The following RAB3C variants were observed in gnomAD, a reference collection of about 807,000 sequenced individuals.
The protein encoded by RAB3C is ras-related protein Rab-3C.
A neutral mutation model predicts 26.4 loss-of-function variants in RAB3C; 17 were observed. The observed-to-expected ratio is 0.64, with a 90% CI of 0.44 to 0.97. The LOEUF is 0.97. RAB3C is among the 50% of genes least tolerant of loss of function. The probability of loss-of-function intolerance (pLI) is 0.00; values close to 1 mark genes in which losing one functional copy is unlikely to be tolerated. For synonymous variants in RAB3C, 91 were observed against 95.9 expected, an observed-to-expected ratio of 0.95 and a Z score of 0.30; for missense variants, 242 against 281.9, an observed-to-expected ratio of 0.86 and a Z score of 1.01.
At chr5:58,815,166 C>A (rs937062670) in intron 3 of RAB3C, among the ~76,000 whole-genome samples, 3 of 152,146 alleles carry the variant, frequency 2.0e-5, no homozygotes, top group African/African-American at 7.2e-5. Context: ...GAATTTCTTA[C>A]CAAGTTCCAC....
Position 58,846,190 on chromosome 5 carries a change from T to C in RAB3C, c.497-4974T>C, listed in dbSNP as rs549285728. ...TTTTGTTTATCCATTCATAGGTTGA[T>C]AGGCACTTGGATTAGTTCTACCTTT... On this transcript the variant is annotated intron_variant, in intron 4 of 4. Coordinates refer to ENST00000282878, the MANE Select transcript of RAB3C (RefSeq NM_138453.4). 3.9e-5 allele frequency among the ~76,000 whole-genome samples: 6 copies of C among 152,330 alleles called. No individual in the cohort carries two copies. The South Asian group carries it at 1.0e-3, about 26-fold the overall frequency.
chr5:58,706,325 C>T (rs560052625), intron 2 of RAB3C, among the ~76,000 whole-genome samples: 16 of 152,110 alleles, frequency 1.1e-4, no homozygotes, highest in African/African-American at 3.6e-4. Flanking sequence ...CTTGGGCATT[C>T]GTCTCAAATT....
chr5:58,797,369 ATATATATATATATATAT>A (rs1742692604), intron 3 of RAB3C, among the ~76,000 whole-genome samples: 2 of 18,328 alleles, frequency 1.1e-4, no homozygotes, highest in African/African-American at 5.3e-4. Flanking sequence ...TATATATATA[ATATATATATATATATAT>A]ATATATATAT....
At chr5:58,711,965 CT>C (rs1339662936) in intron 2 of RAB3C, among the ~76,000 whole-genome samples, 1 of 152,124 alleles carries the variant, frequency 6.6e-6, no homozygotes, top group African/African-American at 2.4e-5. Flanking sequence ...TGTTTCAGTT[CT>C]TACAATGTAA....
At chr5:58,596,856 T>A (rs868049919) in intron 1 of RAB3C, among the ~76,000 whole-genome samples, 1 of 84,782 alleles carries the variant, frequency 1.2e-5, no homozygotes, top group Non-Finnish European at 2.0e-5. Context: ...TAATACATAA[T>A]ATATAATATT....
chr5:58,769,138 G>C (rs1741973407), intron 3 of RAB3C, among the ~76,000 whole-genome samples: 1 of 152,074 alleles, frequency 6.6e-6, no homozygotes, highest in Admixed American at 6.6e-5. Context: ...CTTCTCGGTA[G>C]ATGATGGCAG....
intron 4 of RAB3C, among the ~76,000 whole-genome samples, chr5:58,832,585 G>A (rs1379393049): frequency 6.6e-6 from 1 of 152,216 alleles, no homozygotes; most frequent in Non-Finnish European, 1.5e-5. Context: ...ACTTTCAAAA[G>A]ACAGCATATA....
At chr5:58,773,555 C>T (rs1279080254) in intron 3 of RAB3C, among the ~76,000 whole-genome samples, 3 of 152,076 alleles carry the variant, frequency 2.0e-5, no homozygotes. Context: ...TGTGAGGAGT[C>T]AGAAGAGCTC....
intron 1 of RAB3C, among the ~76,000 whole-genome samples, chr5:58,616,857 C>G (rs911637819): frequency 1.6e-4 from 24 of 152,116 alleles, no homozygotes; most frequent in Non-Finnish European, 3.1e-4. Context: ...TTGCGCATGC[C>G]TCCCTAGTCG....
chr5:58,650,247 T>C (rs905710218), intron 2 of RAB3C, among the ~76,000 whole-genome samples: 2 of 152,134 alleles, frequency 1.3e-5, no homozygotes, highest in Non-Finnish European at 2.9e-5. Context: ...CTAACTCTGG[T>C]CTCCATTCAA....
intron 3 of RAB3C, among the ~76,000 whole-genome samples, chr5:58,818,676 C>T (rs991637378): frequency 6.6e-6 from 1 of 152,166 alleles, no homozygotes; most frequent in Non-Finnish European, 1.5e-5. Flanking sequence ...CCCAAAGGAT[C>T]TTTTGCAGTG....
At position 58,767,808 on chromosome 5, in the gene RAB3C, G is replaced by A. The variant is rs1037930076; in HGVS notation, c.371+41688G>A. 2.6e-5 allele frequency among the ~76,000 whole-genome samples: 4 copies of A among 152,250 alleles called. No individual in the cohort carries two copies. The East Asian group carries it at 7.7e-4, about 29-fold the overall frequency. On this transcript the variant is annotated intron_variant, in intron 3 of 4. Coordinates refer to ENST00000282878, the MANE Select transcript of RAB3C (RefSeq NM_138453.4). Reference sequence around the variant, plus strand: ...GCTCAGGGGATAAAATAGAGAACACGAGAGACATGGAGGCTTATAGCCTAC... The same window carrying A: ...GCTCAGGGGATAAAATAGAGAACACAAGAGACATGGAGGCTTATAGCCTAC...
chr5:58,755,259 A>G (rs1741630597), intron 3 of RAB3C, among the ~76,000 whole-genome samples: 1 of 152,190 alleles, frequency 6.6e-6, no homozygotes, highest in Admixed American at 6.5e-5. Context: ...TCCTGATTCA[A>G]TGCCGTTGTA....
rs76593784 is a variant in RAB3C at position 58,688,230 on chromosome 5, G to A, written c.253-37772G>A. ...TCACTTCTTTTCCATCTTCTACATA[G>A]GAGATGCTCCTCATAGCTCAAGCCT... On this transcript the variant is annotated intron_variant, in intron 2 of 4. Coordinates refer to ENST00000282878, the MANE Select transcript of RAB3C (RefSeq NM_138453.4). Among the ~76,000 whole-genome samples, 970 of 152,114 alleles carry A rather than the reference G, an allele frequency of 6.4e-3. 5 individuals carry two copies. Among genetic ancestry groups the A allele is most frequent in the Middle Eastern group, 0.01 (3 of 292 alleles).
chr5:58,739,330 G>T (rs954999571), intron 3 of RAB3C, among the ~76,000 whole-genome samples: 4 of 152,056 alleles, frequency 2.6e-5, no homozygotes, highest in Admixed American at 6.6e-5. Flanking sequence ...AAATTGATAC[G>T]ACCCCAGTCT....
At chr5:58,825,962 G>A (rs761721773) in intron 4 of RAB3C, among the ~76,000 whole-genome samples, 56 of 152,140 alleles carry the variant, frequency 3.7e-4, no homozygotes, top group Non-Finnish European at 4.3e-4. Flanking sequence ...GCTCCCAATC[G>A]AGTGGACACT....
chr5:58,612,649 G>T (rs1294076679), intron 1 of RAB3C, among the ~76,000 whole-genome samples: 2 of 151,142 alleles, frequency 1.3e-5, no homozygotes, highest in Non-Finnish European at 2.9e-5. Context: ...AGGAATACTA[G>T]TGATTTTTGC....
rs575840391 is a variant in RAB3C, at chr5:58,764,759, G to T, written c.371+38639G>T. Among the ~76,000 whole-genome samples, 15 of 152,104 alleles carry T rather than the reference G, an allele frequency of 9.9e-5. 1 individual carries two copies. Among genetic ancestry groups the T allele is most frequent in the African/African-American group, 3.4e-4 (14 of 41,530 alleles). ...AACTTGGCACATTTGAGCTATTTTT[G>T]CTTCCACACCTGAGGCGAGTAGCTT... is the stretch of plus-strand genomic sequence containing the variant. On this transcript the variant is annotated intron_variant, in intron 3 of 4. Transcript: ENST00000282878.
At chr5:58,589,199 C>G (rs1057190594) in intron 1 of RAB3C, among the ~76,000 whole-genome samples, 1 of 152,060 alleles carries the variant, frequency 6.6e-6, no homozygotes, top group Non-Finnish European at 1.5e-5. Flanking sequence ...TGTGGTTTAT[C>G]TACTTTATTT....
Sources: allele counts gnomAD v4.1 joint callset (sites outside exome capture counted in the v4.1 genomes callset), GRCh38; gene constraint gnomAD v4.1.1; transcripts MANE v1.5; gene names NCBI Gene and HGNC (gene_info 2026-07-23, HGNC 2026-07-21).